OXR1: variants seen among roughly 807,000 people sequenced by gnomAD.
OXR1 encodes oxidation resistance protein 1.
Under a neutral mutation model 104.6 loss-of-function variants are expected in OXR1, and 41 were observed. That is an observed-to-expected ratio of 0.39 (90% confidence interval 0.31 to 0.51). OXR1 has a LOEUF of 0.51. Ranked by LOEUF, OXR1 falls within the 20% of genes least tolerant of loss-of-function variation. The pLI is 0.77. For synonymous variants in OXR1, 348 were observed against 348.4 expected (o/e 1.00, Z 0.01); for missense variants, 955 against 1,031.9 (o/e 0.93, Z 1.02).
chr8:106,575,634 A>G (rs1817768883), intron 3 of OXR1, among the ~76,000 whole-genome samples: 1 of 151,952 alleles, frequency 6.6e-6, no homozygotes, highest in Admixed American at 6.6e-5. Flanking sequence ...CCTACATTTA[A>G]TGATATACAA....
chr8:106,701,908 G>A (rs1830611722), intron 7 of OXR1, among the ~76,000 whole-genome samples: 1 of 152,154 alleles, frequency 6.6e-6, no homozygotes, highest in Non-Finnish European at 1.5e-5. Context: ...GTGGACCCTA[G>A]TTTGCTCATT....
intron 2 of OXR1, among the ~76,000 whole-genome samples, chr8:106,481,584 T>C (rs1300618095): frequency 6.6e-6 from 1 of 151,934 alleles, no homozygotes; most frequent in Non-Finnish European, 1.5e-5. Context: ...GCCCGGAGGG[T>C]AAATTATTAA....
At chr8:106,374,364 A>G (rs1206619450) in intron 2 of OXR1, among the ~76,000 whole-genome samples, 1 of 152,172 alleles carries the variant, frequency 6.6e-6, no homozygotes, top group Non-Finnish European at 1.5e-5. Flanking sequence ...GTAGCATTAA[A>G]GTTTTCCTAC....
chr8:106,367,211 G>A (rs1294020002), intron 2 of OXR1, among the ~76,000 whole-genome samples: 1 of 151,858 alleles, frequency 6.6e-6, no homozygotes, highest in Non-Finnish European at 1.5e-5. Context: ...ACAGGTGCGT[G>A]CCACCATGCC....
chr8:106,400,004 C>T (rs1427504557), intron 2 of OXR1, among the ~76,000 whole-genome samples: 2 of 152,104 alleles, frequency 1.3e-5, no homozygotes, highest in Non-Finnish European at 2.9e-5. Flanking sequence ...TGTTGTGGCC[C>T]TTCTGTTCTA....
At chr8:106,317,871 T>G (rs1462733014) in intron 1 of OXR1, among the ~76,000 whole-genome samples, 5 of 152,134 alleles carry the variant, frequency 3.3e-5, no homozygotes, top group African/African-American at 4.8e-5. Context: ...TAGCTTTTTT[T>G]GGTATTCAGC....
At chr8:106,434,785 G>T (rs1819504769) in intron 2 of OXR1, among the ~76,000 whole-genome samples, 1 of 152,144 alleles carries the variant, frequency 6.6e-6, no homozygotes, top group Non-Finnish European at 1.5e-5. Flanking sequence ...CATTAATTCA[G>T]CAATTCTGTA....
chr8:106,432,050 A>C (rs2130565308), intron 2 of OXR1, among the ~76,000 whole-genome samples: 1 of 152,278 alleles, frequency 6.6e-6, no homozygotes, highest in East Asian at 1.9e-4. Context: ...ACTACATATA[A>C]TTTTATCTAC....
At chr8:106,411,636 AT>A (rs752501514) in intron 2 of OXR1, among the ~76,000 whole-genome samples, 6 of 152,296 alleles carry the variant, frequency 3.9e-5, no homozygotes, top group Non-Finnish European at 7.4e-5. Flanking sequence ...TGATTGCATG[AT>A]TTTTAATAAA....
chr8:106,739,459 T>G lies in OXR1; in HGVS notation c.2039T>G (p.Ile680Ser), dbSNP rs745662423. ...ELRTLCRRLQ[I>S]TTREDINSKQ... ...CACTACCTCTATTTACTGTTTTAGA[T>G]TACTACAAGGGAAGACATAAATTCA... The change falls in exon 13 of 17, where the codon ATT becomes AGT. Residue 680 changes from isoleucine (I) to serine (S), a missense_variant and splice_region_variant. Ile to Ser is a moderately radical substitution (Grantham distance 142). This residue lies in a region of OXR1 where 849 missense variants were observed against 852.9 expected (regional missense o/e 1.00). Transcript: ENST00000517566. The G allele has an allele frequency of 9.9e-6, 16 of 1,611,946 alleles. No homozygotes were observed.
chr8:106,374,421 T>C (rs139327610), intron 2 of OXR1, among the ~76,000 whole-genome samples: 1 of 152,370 alleles, frequency 6.6e-6, no homozygotes, highest in African/African-American at 2.4e-5. Flanking sequence ...AATCAGTTAA[T>C]TGTTCAATAC....
At chr8:106,526,666 C>A (rs1030359256) in intron 3 of OXR1, among the ~76,000 whole-genome samples, 1 of 152,214 alleles carries the variant, frequency 6.6e-6, no homozygotes, top group African/African-American at 2.4e-5. Flanking sequence ...CCTCAGCCTC[C>A]CGAGTAGCTG....
chr8:106,748,554 CTTTTTTTTTTTTTT>C (rs71307088), intron 16 of OXR1, among the ~76,000 whole-genome samples: 25 of 48,876 alleles, frequency 5.1e-4, no homozygotes, highest in African/African-American at 1.6e-3. Context: ...AGTACCAACT[CTTTTTTTTTTTTTT>C]TTTTTTTTTT....
chr8:106,547,514 G>T (rs534926350), intron 3 of OXR1, among the ~76,000 whole-genome samples: 38 of 106,444 alleles, frequency 3.6e-4, no homozygotes, highest in African/African-American at 1.3e-3. Context: ...TTTTTTTTGA[G>T]ACAGAGTGAA....
intron 10 of OXR1, among the ~76,000 whole-genome samples, chr8:106,713,182 A>G (rs147108841): frequency 3.9e-5 from 6 of 152,110 alleles, no homozygotes; most frequent in African/African-American, 1.4e-4. Context: ...GCTGAAAGTT[A>G]TATAATCAAT....
At chr8:106,519,205 G>A (rs1813079810) in intron 3 of OXR1, 66 bp downstream of exon 3, 10 of 1,154,512 alleles carry the variant, frequency 8.7e-6, no homozygotes, top group East Asian at 2.7e-5. Flanking sequence ...GAGAATTTCT[G>A]GGTCTGTTTA....
intron 2 of OXR1, among the ~76,000 whole-genome samples, chr8:106,369,665 A>T (rs1170300082): frequency 6.6e-6 from 1 of 152,112 alleles, no homozygotes; most frequent in Non-Finnish European, 1.5e-5. Context: ...TCCTTTCCCC[A>T]TTGCTTGTTT....
At chr8:106,461,905 A>G (rs1329988180) in intron 2 of OXR1, among the ~76,000 whole-genome samples, 1 of 152,192 alleles carries the variant, frequency 6.6e-6, no homozygotes, top group East Asian at 1.9e-4. Flanking sequence ...TAAAACACCT[A>G]AAGATGCAAC....
At chr8:106,408,560 A>G (rs2130499412) in intron 2 of OXR1, among the ~76,000 whole-genome samples, 1 of 152,226 alleles carries the variant, frequency 6.6e-6, no homozygotes, top group East Asian at 1.9e-4. Flanking sequence ...GGCTTCCAAT[A>G]AGAGCAAACT....
Sources: allele counts gnomAD v4.1 joint callset (sites outside exome capture counted in the v4.1 genomes callset), GRCh38; gene constraint gnomAD v4.1.1; regional missense constraint gnomAD v4.1.1; transcripts MANE v1.5; gene names NCBI Gene and HGNC (gene_info 2026-07-23, HGNC 2026-07-21).